The following FKBP15 variants were observed in gnomAD, a reference collection of about 807,000 sequenced individuals.
FKBP15 encodes FKBP prolyl isomerase family member 15.
Under a neutral mutation model 158.1 loss-of-function variants are expected in FKBP15, and 106 were observed. The ratio of observed to expected loss-of-function variants is 0.67; its 90% CI spans 0.57 to 0.79. The LOEUF (loss-of-function observed/expected upper bound fraction) is 0.79. FKBP15 is among the 30% of genes least tolerant of loss of function. The probability of loss-of-function intolerance (pLI) is 0.00; values close to 1 mark genes in which losing one functional copy is unlikely to be tolerated. For missense variants in FKBP15, 1,287 were observed against 1,479.1 expected (o/e 0.87, Z 2.13); for synonymous variants, 547 against 548.6 (o/e 1.00, Z 0.04).
chr9:113,207,187 A>G, intron 3 of FKBP15, 25 bp downstream of exon 3: 1 of 1,589,086 alleles, frequency 6.3e-7, no homozygotes. Context: ...CAAACTTCAG[A>G]GGGTGTTCCT....
intron 19 of FKBP15, among the ~76,000 whole-genome samples, chr9:113,179,693 T>C (rs933490873): frequency 6.6e-6 from 1 of 150,690 alleles, no homozygotes; most frequent in South Asian, 2.1e-4. Flanking sequence ...GAAAACAAAA[T>C]TGTATATAAA....
chr9:113,182,975 G>T, intron 18 of FKBP15, 107 bp from the exon 19 acceptor site: 1 of 888,760 alleles, frequency 1.1e-6, no homozygotes, highest in Non-Finnish European at 1.8e-6. Context: ...CTATACCTTT[G>T]TCAAAAGCAA....
intron 12 of FKBP15, among the ~76,000 whole-genome samples, chr9:113,189,063 C>G (rs1830531447): frequency 6.6e-6 from 1 of 152,178 alleles, no homozygotes; most frequent in African/African-American, 2.4e-5. Flanking sequence ...AGCTATAACT[C>G]TAAACAAAGT....
Position 113,161,434 on chromosome 9 carries a change from A to C in FKBP15, c.*4644T>G, listed in dbSNP as rs1830010718. 1 of 1,361,910 alleles carries C rather than the reference A, an allele frequency of 7.3e-7. No homozygotes were observed. The highest frequency in any genetic ancestry group is 1.4e-5 in the African/African-American group (1 of 69,092). The allele number at this position is 1,361,910 out of a possible 1,614,324, so 84.4% of individuals were successfully genotyped here. A position where few individuals can be genotyped will look rare whatever the true frequency, so the allele number is the denominator to read the frequency against. ...GATAGAGGTGGATGGAGTGGATTCC[A>C]TGAACAGGTGGAGGTGCTGGAAGGG... On this transcript the variant is annotated 3_prime_UTR_variant, in exon 28 of 28. Coordinates refer to ENST00000238256, the MANE Select transcript of FKBP15 (RefSeq NM_015258.2).
At chr9:113,209,858 T>C (rs1215866912) in intron 2 of FKBP15, among the ~76,000 whole-genome samples, 3 of 152,240 alleles carry the variant, frequency 2.0e-5, no homozygotes, top group Non-Finnish European at 4.4e-5. Flanking sequence ...GAATGAAGTG[T>C]TGCCCAATTC....
At position 113,186,284 on chromosome 9, in the gene FKBP15, T is replaced by C. The variant is rs1399679249; in HGVS notation, c.1463A>G (p.Tyr488Cys). ...GGGAGGCTGAGAGAGCGGTGCTGGGTACAAAGGCCGAACGGGCTGCAGCTG... is the reference window on the plus strand; with the variant it reads ...GGGAGGCTGAGAGAGCGGTGCTGGGCACAAAGGCCGAACGGGCTGCAGCTG... Reference protein sequence around the residue: ...TSQLQPVRPLYPAPLSQPPHF... With the variant: ...TSQLQPVRPLCPAPLSQPPHF... Residue 488 changes from tyrosine (Y) to cysteine (C), a missense_variant, in exon 15 of 28, where the codon TAC becomes TGC. Physicochemically the swap from Tyr to Cys is radical, Grantham distance 194. Transcript: ENST00000238256. 15 of 1,569,012 alleles carry C rather than the reference T, an allele frequency of 9.6e-6. No homozygotes were observed. The Admixed American group carries it at 1.9e-4, about 20-fold the overall frequency.
At chr9:113,199,001 T>C (rs1830737336) in intron 7 of FKBP15, 78 bp from the exon 8 acceptor site, 2 of 916,856 alleles carry the variant, frequency 2.2e-6, no homozygotes, top group Non-Finnish European at 3.5e-6. Flanking sequence ...ACTAACTACA[T>C]ACCAGCACAC....
chr9:113,187,877 C>G lies in FKBP15; in HGVS notation c.1299G>C (p.Gly433=). The change falls in exon 14 of 28, where the codon GGG becomes GGC. Residue 433 remains glycine (G), a synonymous_variant. Coordinates refer to ENST00000238256, the MANE Select transcript of FKBP15 (RefSeq NM_015258.2). ...TTAAGGCAGCAGAAGGTGCCTGGAG[C>G]CCAGTAACAGATGGCTGAGGTGCTA... ...TSQAPQPSVT[G]LQAPSAALMQ... is the part of the protein sequence containing the mutation. The G allele has an allele frequency of 6.2e-7, 1 of 1,613,702 alleles. No homozygotes were observed. Among genetic ancestry groups the G allele is most frequent in the Non-Finnish European group, 8.5e-7 (1 of 1,179,712 alleles).
rs773064007 is a variant in FKBP15 at position 113,162,801 on chromosome 9, A to C, written c.*3277T>G. On this transcript the variant is annotated 3_prime_UTR_variant, in exon 28 of 28. Coordinates refer to ENST00000238256, the MANE Select transcript of FKBP15 (RefSeq NM_015258.2). ...TCTAATCCATGTCATCCAGGTGGTC[A>C]TCGGCTACTTCATCATGCTGGCCGT... 2 of 1,613,872 alleles carry C rather than the reference A, an allele frequency of 1.2e-6. No individual in the cohort carries two copies. Among genetic ancestry groups the C allele is most frequent in the South Asian group, 2.2e-5 (2 of 91,070 alleles).
intron 1 of FKBP15, among the ~76,000 whole-genome samples, chr9:113,216,692 A>C (rs1297367737): frequency 6.6e-6 from 1 of 152,342 alleles, no homozygotes; most frequent in East Asian, 1.9e-4. Flanking sequence ...CAGATTACTG[A>C]TAAGAAATGA....
chr9:113,188,429 A>AAG lies in FKBP15; in HGVS notation c.1234_1235dup (p.His413PhefsTer11), dbSNP rs777797812. The stretch of plus-strand genomic sequence containing the variant: ...GTGGTAACGCTGGATGGGCCGGATG[A>AAG]AGAGAGGGCTGGACGGACGGAGTCA... On this transcript the variant is annotated frameshift_variant, in exon 13 of 28. Transcript: ENST00000238256. LOFTEE classifies it high-confidence loss of function. 6.2e-7 allele frequency: 1 copy of AAG among 1,613,934 alleles called. No homozygotes were observed. Among genetic ancestry groups the AAG allele is most frequent in the South Asian group, 1.1e-5 (1 of 91,086 alleles).
chr9:113,207,524 G>A (rs1236802907), intron 2 of FKBP15, among the ~76,000 whole-genome samples: 5 of 151,926 alleles, frequency 3.3e-5, no homozygotes, highest in African/African-American at 9.7e-5. Flanking sequence ...ATTTTTAGTA[G>A]AGATGGGGTT....
At chr9:113,195,994 G>T (rs890582978) in intron 9 of FKBP15, among the ~76,000 whole-genome samples, 2 of 151,120 alleles carry the variant, frequency 1.3e-5, no homozygotes, top group African/African-American at 2.4e-5. Flanking sequence ...CTATGTATAT[G>T]GATATGTATA....
chr9:113,220,118 G>T (rs904360739), intron 1 of FKBP15, among the ~76,000 whole-genome samples: 1 of 152,186 alleles, frequency 6.6e-6, no homozygotes, highest in Non-Finnish European at 1.5e-5. Flanking sequence ...AGTATTTGTG[G>T]TTGCAATAGA....
chr9:113,213,788 C>T (rs550517835), intron 1 of FKBP15, among the ~76,000 whole-genome samples: 19 of 152,194 alleles, frequency 1.2e-4, no homozygotes, highest in South Asian at 4.2e-4. Flanking sequence ...GCCTCCATAA[C>T]TGTAAAAAAT....
rs1830173207 is a variant in FKBP15, at chr9:113,169,827, G to A, written c.2882C>T (p.Ala961Val). 1.3e-6 allele frequency: 2 copies of A among 1,562,736 alleles called. No homozygotes were observed. Among genetic ancestry groups the A allele is most frequent in the Non-Finnish European group, 1.7e-6 (2 of 1,152,970 alleles). Residue 961 changes from alanine to valine, a missense_variant, in exon 26 of 28, where the codon GCC (alanine) becomes GTC (valine). Physicochemically the swap from Ala to Val is moderately conservative, Grantham distance 64 (BLOSUM62 0). Coordinates refer to ENST00000238256, the MANE Select transcript of FKBP15 (RefSeq NM_015258.2). ...RPRRPSQEQS[A>V]SASSGQPQAP... Reference sequence around the variant, plus strand: ...TTGAGGCTGCCCAGAACTGGCTGAGGCTGACTGCTCCTGGGAAGGTCTTCG... The same window carrying A: ...TTGAGGCTGCCCAGAACTGGCTGAGACTGACTGCTCCTGGGAAGGTCTTCG...
intron 27 of FKBP15, 88 bp from the exon 28 acceptor site, chr9:113,166,243 T>C (rs1418884764): frequency 1.7e-6 from 2 of 1,192,726 alleles, no homozygotes; most frequent in Non-Finnish European, 2.4e-6. Flanking sequence ...CCAACTTCTG[T>C]TCCCAGCTCT....
In FKBP15 at chr9:113,199,916, G is replaced by C; in HGVS notation, c.546C>G (p.Leu182=). The C allele has an allele frequency of 1.2e-6, 2 of 1,613,492 alleles. No individual in the cohort carries two copies. Among genetic ancestry groups the C allele is most frequent in the South Asian group, 2.2e-5 (2 of 90,882 alleles). The stretch of plus-strand genomic sequence containing the variant: ...CGTCTGCCACAATGAGGTCCTGGGA[G>C]AGCACTGCATCCAGGGAAGAGGTAC... ...CNSTSSLDAV[L]SQDLIVADGP... The change falls in exon 7 of 28, where the codon CTC becomes CTG. Residue 182 remains leucine, a synonymous_variant. Coordinates refer to ENST00000238256, the MANE Select transcript of FKBP15 (RefSeq NM_015258.2).
chr9:113,190,508 A>G lies in FKBP15; in HGVS notation c.1136T>C (p.Leu379Pro). 6.2e-7 allele frequency: 1 copy of G among 1,612,358 alleles called. No individual in the cohort carries two copies. Among genetic ancestry groups the G allele is most frequent in the South Asian group, 1.1e-5 (1 of 90,572 alleles). Residue 379 changes from leucine (L) to proline (P), a missense_variant, in exon 12 of 28, where the codon CTT becomes CCT. Physicochemically the swap from Leu to Pro is moderately conservative, Grantham distance 98. Coordinates refer to ENST00000238256, the MANE Select transcript of FKBP15 (RefSeq NM_015258.2). The part of the protein sequence containing the change: ...AKMGQPMLPI[L>P]PPQLDSNDSE... ...ATCATTGGAATCCAGCTGTGGTGGA[A>G]GGATGGGCAGCATGGGCTGGCCCAT...
Sources: gnomAD v4.1 joint callset for allele counts (sites outside exome capture counted in the v4.1 genomes callset) on GRCh38, gnomAD v4.1.1 for gene constraint, MANE v1.5 for transcripts, NCBI Gene and HGNC (gene_info 2026-07-23, HGNC 2026-07-21) for gene names.